MPP4: variants seen among roughly 807,000 people sequenced by gnomAD.
MPP4 encodes MAGUK p55 subfamily member 4.
A neutral mutation model predicts 98.3 loss-of-function variants in MPP4; 91 were observed. That is an observed-to-expected ratio of 0.93 (90% CI 0.78 to 1.10). MPP4 has a LOEUF of 1.10. MPP4 is among the 50% of genes least tolerant of loss of function. The pLI is 0.00. For synonymous variants in MPP4, 261 were observed against 271.8 expected, an observed-to-expected ratio of 0.96 and a Z score of 0.39; for missense variants, 744 against 792.9, an observed-to-expected ratio of 0.94 and a Z score of 0.74.
chr2:201,676,771 G>A (rs1473217484), intron 10 of MPP4, among the ~76,000 whole-genome samples: 4 of 152,096 alleles, frequency 2.6e-5, no homozygotes, highest in Non-Finnish European at 5.9e-5. Flanking sequence ...GTGGTGGTGC[G>A]CACCTGGAGT....
chr2:201,662,937 T>C (rs1417774472), intron 14 of MPP4, among the ~76,000 whole-genome samples: 1 of 152,244 alleles, frequency 6.6e-6, no homozygotes, highest in Non-Finnish European at 1.5e-5. Context: ...TTTAATGATG[T>C]CAACATTATT....
intron 11 of MPP4, among the ~76,000 whole-genome samples, chr2:201,671,169 TTTG>T (rs201535549): frequency 1.3e-5 from 2 of 151,750 alleles, no homozygotes; most frequent in Admixed American, 6.6e-5. Flanking sequence ...GAGGAGTTTG[TTTG>T]TTTTTTTTCA....
chr2:201,695,404 G>C (rs1689150681), intron 1 of MPP4, among the ~76,000 whole-genome samples: 1 of 152,196 alleles, frequency 6.6e-6, no homozygotes, highest in Non-Finnish European at 1.5e-5. Context: ...GAACTATCAT[G>C]TCACTGAAAA....
chr2:201,682,289 G>T (rs997548186), intron 8 of MPP4, among the ~76,000 whole-genome samples: 2 of 152,136 alleles, frequency 1.3e-5, no homozygotes, highest in African/African-American at 4.8e-5. Context: ...GGCTTACAAA[G>T]GATTTAGGTG....
chr2:201,657,875 A>C (rs1687902776), intron 16 of MPP4, among the ~76,000 whole-genome samples: 1 of 151,664 alleles, frequency 6.6e-6, no homozygotes, highest in African/African-American at 2.4e-5. Flanking sequence ...ACCTTTGTGT[A>C]GCTGCCTACT....
chr2:201,657,394 G>A (rs1170796708), intron 16 of MPP4, among the ~76,000 whole-genome samples: 1 of 152,096 alleles, frequency 6.6e-6, no homozygotes, highest in Admixed American at 6.5e-5. Context: ...GGTGCTCTCA[G>A]TAGACAGAGT....
chr2:201,697,535 C>G (rs1015337894), intron 1 of MPP4, among the ~76,000 whole-genome samples: 2 of 152,154 alleles, frequency 1.3e-5, no homozygotes, highest in African/African-American at 4.8e-5. Context: ...ATAGCAAGCA[C>G]TTGGTATGTT....
At position 201,669,683 on chromosome 2, in the gene MPP4, T is replaced by G. The variant is rs1488141733; in HGVS notation, c.1012+50A>C. 3.8e-6 allele frequency: 5 copies of G among 1,315,684 alleles called. No individual in the cohort carries two copies. The African/African-American group carries it at 7.5e-5, about 20-fold the overall frequency. The allele number at this position is 1,315,684 out of a possible 1,614,324, so 81.5% of individuals were successfully genotyped here. On this transcript the variant is annotated intron_variant, in intron 12 of 21. Transcript: ENST00000409474. ...GTGAATTCTTTAAACTACAAGAAAT[T>G]TCTAAAAGACTTTGGAGATAAGAGT...
Position 201,645,319 on chromosome 2 carries a change from T to A in MPP4, c.1805A>T (p.Asp602Val). The change falls in exon 22 of 22, where the codon GAC becomes GTC. Residue 602 changes from aspartate to valine, a missense_variant. Asp to Val is a radical substitution (Grantham distance 152). Coordinates refer to ENST00000409474, the MANE Select transcript of MPP4 (RefSeq NM_033066.3). Reference sequence around the variant, plus strand: ...CTGGGCACATGCATCGTGCAAGCTGTCATTCACAATCACATGATCAAAAAA... The same window carrying A: ...CTGGGCACATGCATCGTGCAAGCTGACATTCACAATCACATGATCAAAAAA... ...GQFFDHVIVN[D>V]SLHDACAQLL... 6.2e-7 allele frequency: 1 copy of A among 1,614,034 alleles called. No individual in the cohort carries two copies. Among genetic ancestry groups the A allele is most frequent in the Non-Finnish European group, 8.5e-7 (1 of 1,179,894 alleles).
At chr2:201,666,647 C>T (rs1688184747) in intron 12 of MPP4, 2 of 224,590 alleles carry the variant, frequency 8.9e-6, no homozygotes, top group Non-Finnish European at 1.7e-5. Flanking sequence ...TCGTTTGAAC[C>T]CGGGAGGCAG....
At chr2:201,681,749 C>T (rs903374383) in intron 8 of MPP4, among the ~76,000 whole-genome samples, 182 bp from the exon 9 acceptor site, 2 of 152,124 alleles carry the variant, frequency 1.3e-5, no homozygotes, top group African/African-American at 4.8e-5. Flanking sequence ...TTTACCCCTG[C>T]ATCTGCCCTG....
intron 7 of MPP4, 104 bp downstream of exon 7, chr2:201,684,960 A>G (rs2105942504): frequency 1.4e-3 from 1,090 of 777,530 alleles, no homozygotes; most frequent in East Asian, 2.3e-3. Context: ...AAAAAAAAAA[A>G]GAAAAAAAAA....
At chr2:201,690,501 G>T (rs1688982091) in intron 3 of MPP4, among the ~76,000 whole-genome samples, 1 of 152,124 alleles carries the variant, frequency 6.6e-6, no homozygotes, top group Admixed American at 6.5e-5. Flanking sequence ...GGCTGCCATT[G>T]GGAAATTGAT....
intron 14 of MPP4, among the ~76,000 whole-genome samples, chr2:201,660,762 G>T (rs1320601201): frequency 6.6e-6 from 1 of 152,098 alleles, no homozygotes; most frequent in East Asian, 1.9e-4. Flanking sequence ...TGCTGCTGCT[G>T]GGTGCTGCAG....
At chr2:201,657,184 A>G (rs1421933293) in intron 16 of MPP4, among the ~76,000 whole-genome samples, 5 of 152,190 alleles carry the variant, frequency 3.3e-5, no homozygotes, top group Non-Finnish European at 5.9e-5. Context: ...GGCTTGGGCC[A>G]GGGTAGAAAG....
intron 5 of MPP4, among the ~76,000 whole-genome samples, chr2:201,686,855 A>C (rs1688853869): frequency 6.6e-6 from 1 of 152,236 alleles, no homozygotes; most frequent in Admixed American, 6.5e-5. Context: ...TCTGTTCTGC[A>C]ATCAAATGTT....
intron 1 of MPP4, among the ~76,000 whole-genome samples, chr2:201,696,133 C>T (rs1353120888): frequency 6.6e-6 from 1 of 152,150 alleles, no homozygotes; most frequent in African/African-American, 2.4e-5. Flanking sequence ...AGACAACTTT[C>T]CCCTACACAT....
intron 19 of MPP4, 115 bp from the exon 20 acceptor site, chr2:201,649,799 C>G (rs1687666790): frequency 1.4e-6 from 1 of 739,430 alleles, no homozygotes; most frequent in Admixed American, 2.4e-5. Context: ...TTTATTAACA[C>G]AGAAAGAATG....
intron 4 of MPP4, 40 bp from the exon 5 acceptor site, chr2:201,687,411 A>T: frequency 6.8e-7 from 1 of 1,480,682 alleles, no homozygotes; most frequent in Non-Finnish European, 9.2e-7. Flanking sequence ...AATTTTAAAA[A>T]ATCTTTATCA....
Sources: gnomAD v4.1 joint callset for allele counts (sites outside exome capture counted in the v4.1 genomes callset) on GRCh38, gnomAD v4.1.1 for gene constraint, MANE v1.5 for transcripts, NCBI Gene and HGNC (gene_info 2026-07-23, HGNC 2026-07-21) for gene names.